The following ACP4 variants were observed in gnomAD, a reference collection of about 807,000 sequenced individuals.
The protein encoded by ACP4 is testicular acid phosphatase.
ACP4 carries 49 observed loss-of-function variants against 47.3 expected under a neutral mutation model. That is an observed-to-expected ratio of 1.04 (90% confidence interval 0.82 to 1.32). The LOEUF is 1.32. Among genes scored for constraint, ACP4 ranks in the 40% most tolerant of loss-of-function variants. The probability of loss-of-function intolerance (pLI) is 0.00; values close to 1 mark genes in which losing one functional copy is unlikely to be tolerated. For missense variants in ACP4, 594 were observed against 579.3 expected (o/e 1.03, Z -0.26); for synonymous variants, 299 against 265.3 (o/e 1.13, Z -1.23).
intron 4 of ACP4, 126 bp from the exon 5 acceptor site, chr19:50,791,947 T>C: frequency 1.4e-6 from 2 of 1,446,206 alleles, no homozygotes; most frequent in East Asian, 2.5e-5. Flanking sequence ...CGGCCCACGC[T>C]GCTCTCCTGG....
At position 50,790,586 on chromosome 19, in the gene ACP4, G is replaced by T. The variant is rs1344684810; in HGVS notation, c.112-8G>T. 5 of 1,549,174 alleles carry T rather than the reference G, an allele frequency of 3.2e-6. No homozygotes were observed. Among genetic ancestry groups the T allele is most frequent in the Non-Finnish European group, 4.4e-6 (5 of 1,146,808 alleles). On this transcript the variant is annotated splice_polypyrimidine_tract_variant and splice_region_variant and intron_variant, in intron 1 of 10. Coordinates refer to ENST00000270593, the MANE Select transcript of ACP4 (RefSeq NM_033068.3). ...CCCAGGGCTAGCCCTGACCAGTCCTGTCCCCAGGTATTCCGCCATGGCGAC... is the reference window on the plus strand; with the variant it reads ...CCCAGGGCTAGCCCTGACCAGTCCTTTCCCCAGGTATTCCGCCATGGCGAC...
In ACP4 at chr19:50,793,961, G is replaced by A. The variant is rs1481028495; in HGVS notation, c.852G>A (p.Met284Ile). 1.2e-6 allele frequency: 2 copies of A among 1,614,028 alleles called. No individual in the cohort carries two copies. The highest frequency in any genetic ancestry group is 1.7e-6 in the Non-Finnish European group (2 of 1,180,020). ...TGGGGCTGCCCCTCAAGATGGTCAT[G>A]TACTCAGCTGTGAGTCCTTGGGAAG... The part of the protein sequence containing the change: ...QRLGLPLKMV[M>I]YSAHDSTLLA... Residue 284 changes from methionine (M) to isoleucine (I), a missense_variant, in exon 8 of 11, where the codon ATG becomes ATA. Coordinates refer to ENST00000270593, the MANE Select transcript of ACP4 (RefSeq NM_033068.3).
chr19:50,793,856 GGA>G, intron 7 of ACP4, 30 bp from the exon 8 acceptor site: 1 of 1,614,116 alleles, frequency 6.2e-7, no homozygotes. Context: ...CCTTCCTCTG[GGA>G]GAGTCTAAGC....
Position 50,793,983 on chromosome 19 carries a change from G to C in ACP4, c.861+13G>C. The C allele has an allele frequency of 6.2e-7, 1 of 1,613,808 alleles. No individual in the cohort carries two copies. Among genetic ancestry groups the C allele is most frequent in the Non-Finnish European group, 8.5e-7 (1 of 1,179,962 alleles). Reference sequence around the variant, plus strand: ...CATGTACTCAGCTGTGAGTCCTTGGGAAGCAGTGCCACATGGCACTGAGGC... The same window carrying C: ...CATGTACTCAGCTGTGAGTCCTTGGCAAGCAGTGCCACATGGCACTGAGGC... On this transcript the variant is annotated intron_variant, in intron 8 of 10. Transcript: ENST00000270593.
Position 50,793,479 on chromosome 19 carries a change from C to A in ACP4, c.646-205C>A, listed in dbSNP as rs1157953513. ...GCAGACAGCCAAGATTGCGCTACTG[C>A]ACTCCAGCCTAGGTGATGGAGCAAG... is the stretch of plus-strand genomic sequence containing the variant. On this transcript the variant is annotated intron_variant, in intron 6 of 10. Transcript: ENST00000270593. 7.1e-6 allele frequency: 5 copies of A among 701,040 alleles called. No homozygotes were observed. The African/African-American group carries it at 9.0e-5, about 13-fold the overall frequency. The allele number at this position is 701,040 out of a possible 1,614,324, so 43.4% of individuals were successfully genotyped here.
At chr19:50,794,080 G>A in intron 8 of ACP4, 110 bp downstream of exon 8, 1 of 1,297,950 alleles carries the variant, frequency 7.7e-7, no homozygotes, top group East Asian at 2.3e-5. Context: ...CCCACTGCCT[G>A]GGGTAACCCG....
At chr19:50,791,174 G>T (rs984805907) in intron 3 of ACP4, among the ~76,000 whole-genome samples, 2 of 152,134 alleles carry the variant, frequency 1.3e-5, no homozygotes. Context: ...ACTTGATTTC[G>T]ATCTTTGACC....
Position 50,794,592 on chromosome 19 carries a change from T to C in ACP4, c.986+11T>C. On this transcript the variant is annotated intron_variant, in intron 9 of 10. Coordinates refer to ENST00000270593, the MANE Select transcript of ACP4 (RefSeq NM_033068.3). ...CGCCAAAGATGGAGGGTGAGAATGG[T>C]TTGGTGCCCAGGGACATGGGTGGGA... 1 of 1,613,900 alleles carries C rather than the reference T, an allele frequency of 6.2e-7. No individual in the cohort carries two copies. Among genetic ancestry groups the C allele is most frequent in the Non-Finnish European group, 8.5e-7 (1 of 1,179,960 alleles).
rs373753788 is a variant in ACP4, at chr19:50,794,876, A to G, written c.1077A>G (p.Leu359=). 6 of 1,613,498 alleles carry G rather than the reference A, an allele frequency of 3.7e-6. No individual in the cohort carries two copies. In the African/African-American group the frequency reaches 4.0e-5, roughly 11 times the overall value. Residue 359 remains leucine (L), a synonymous_variant, in exon 10 of 11, where the codon CTA becomes CTG. Transcript: ENST00000270593. Reference sequence around the variant, plus strand: ...CCGGGTGCCCGGCCCCCTGTCCACTAGGCCGCTTCTACCAGCTGACTGCCC... The same window carrying G: ...CCGGGTGCCCGGCCCCCTGTCCACTGGGCCGCTTCTACCAGCTGACTGCCC... ...SLPGCPAPCP[L]GRFYQLTAPA...
intron 6 of ACP4, chr19:50,793,339 G>A (rs777149789): frequency 4.5e-5 from 11 of 241,844 alleles, no homozygotes; most frequent in East Asian, 2.7e-4. Context: ...GTAAAACCCC[G>A]TCTCTACTAA....
At chr19:50,790,934 TG>T in intron 3 of ACP4, 74 bp downstream of exon 3, 1 of 1,409,374 alleles carries the variant, frequency 7.1e-7, no homozygotes. Context: ...ACGCTCTCTT[TG>T]GGCCTCCACC....
rs2089549588 is a variant in ACP4, at chr19:50,795,196, G to A, written c.*38G>A. ...GGCTTCCCTACCCCCAGCTGACACT[G>A]GACCCCAACATGTATGCTCAGTAGC... On this transcript the variant is annotated 3_prime_UTR_variant, in exon 11 of 11. Coordinates refer to ENST00000270593, the MANE Select transcript of ACP4 (RefSeq NM_033068.3). The A allele has an allele frequency of 7.4e-6, 11 of 1,492,164 alleles. No individual in the cohort carries two copies. Among genetic ancestry groups the A allele is most frequent in the Non-Finnish European group, 9.9e-6 (11 of 1,115,890 alleles). 92.4% of individuals were successfully genotyped at this position (1,492,164 alleles called of 1,614,324 possible). A position where few individuals can be genotyped will look rare whatever the true frequency, so the allele number is the denominator to read the frequency against.
Position 50,790,654 on chromosome 19 carries a change from G to A in ACP4, c.172G>A (p.Val58Met). 8 of 1,554,110 alleles carry A rather than the reference G, an allele frequency of 5.1e-6. No homozygotes were observed. Among genetic ancestry groups the A allele is most frequent in the South Asian group, 4.7e-5 (4 of 84,488 alleles). Residue 58 changes from valine to methionine, a missense_variant, in exon 2 of 11, where the codon GTG (valine) becomes ATG (methionine). By Grantham distance (21) the Val-to-Met change is conservative. Coordinates refer to ENST00000270593, the MANE Select transcript of ACP4 (RefSeq NM_033068.3). The stretch of plus-strand genomic sequence containing the variant: ...CTACCCCATGGACCCACACAAGGAG[G>A]TGGCCTCCACCCTGTGGCCACGAGG... ...ASYPMDPHKE[V>M]ASTLWPRGLG...
Position 50,792,324 on chromosome 19 carries a change from C to A in ACP4, c.632C>A (p.Thr211Asn), listed in dbSNP as rs963122022. ...CGCAGGGCATGGAAGGTTCTGGACA[C>A]CCTCATGTGCCAGGTGAGCCCTGCC... ...PLRRAWKVLD[T>N]LMCQQAHGLP... The change falls in exon 6 of 11, where the codon ACC (threonine) becomes AAC (asparagine). Residue 211 changes from threonine (T) to asparagine (N), a missense_variant. Thr to Asn is a moderately conservative substitution (Grantham distance 65, BLOSUM62 0). Transcript: ENST00000270593. 1.2e-6 allele frequency: 2 copies of A among 1,613,134 alleles called. No individual in the cohort carries two copies. The highest frequency in any genetic ancestry group is 2.7e-5 in the African/African-American group (2 of 74,924).
Position 50,793,989 on chromosome 19 carries a change from G to C in ACP4, c.861+19G>C, listed in dbSNP as rs2089532940. 1.2e-6 allele frequency: 2 copies of C among 1,613,564 alleles called. No homozygotes were observed. Among genetic ancestry groups the C allele is most frequent in the East Asian group, 2.2e-5 (1 of 44,872 alleles). On this transcript the variant is annotated intron_variant, in intron 8 of 10. Transcript: ENST00000270593. ...CTCAGCTGTGAGTCCTTGGGAAGCA[G>C]TGCCACATGGCACTGAGGCACAGGG...
intron 6 of ACP4, 78 bp downstream of exon 6, chr19:50,792,415 C>T: frequency 7.0e-7 from 1 of 1,430,518 alleles, no homozygotes; most frequent in East Asian, 2.4e-5. Context: ...TAGCTGTGTT[C>T]CCTCAGGCAT....
At position 50,794,843 on chromosome 19, in the gene ACP4, C is replaced by T; in HGVS notation, c.1044C>T (p.Leu348=). 3.1e-6 allele frequency: 5 copies of T among 1,613,572 alleles called. No individual in the cohort carries two copies. The highest frequency in any genetic ancestry group is 4.2e-6 in the Non-Finnish European group (5 of 1,179,822). Residue 348 remains leucine (L), a synonymous_variant, in exon 10 of 11, where the codon CTC becomes CTT. Coordinates refer to ENST00000270593, the MANE Select transcript of ACP4 (RefSeq NM_033068.3). The stretch of plus-strand genomic sequence containing the variant: ...ACTCCGCCCACCTGCCCCTGCCTCT[C>T]AGCCTCCCCGGGTGCCCGGCCCCCT... The part of the protein sequence containing the change: ...RNDSAHLPLP[L]SLPGCPAPCP...
Position 50,792,031 on chromosome 19 carries a change from C to T in ACP4, c.451-42C>T, listed in dbSNP as rs1018453708. 15 of 1,528,826 alleles carry T rather than the reference C, an allele frequency of 9.8e-6. No individual in the cohort carries two copies. In the African/African-American group the frequency reaches 1.8e-4, roughly 18 times the overall value. The allele number at this position is 1,528,826 out of a possible 1,614,324, so 94.7% of individuals were successfully genotyped here. The stretch of plus-strand genomic sequence containing the variant: ...CCCCGACCCGCTGTGAGACCCAAGG[C>T]AAGGCACACGGCTGTCCTCTCTGAG... On this transcript the variant is annotated intron_variant, in intron 4 of 10. Coordinates refer to ENST00000270593, the MANE Select transcript of ACP4 (RefSeq NM_033068.3).
intron 3 of ACP4, 120 bp from the exon 4 acceptor site, chr19:50,791,536 C>T (rs2089506305): frequency 7.2e-7 from 1 of 1,393,762 alleles, no homozygotes; most frequent in Admixed American, 1.9e-5. Context: ...TCGAAGGCCA[C>T]ATGATTCTCA....
Sources: gnomAD v4.1 joint callset for allele counts (sites outside exome capture counted in the v4.1 genomes callset) on GRCh38, gnomAD v4.1.1 for gene constraint, MANE v1.5 for transcripts, NCBI Gene and HGNC (gene_info 2026-07-23, HGNC 2026-07-21) for gene names.